The following LRIG1 variants were observed in gnomAD, a reference collection of about 807,000 sequenced individuals.
LRIG1 encodes the protein leucine-rich repeats and immunoglobulin-like domains protein 1.
A neutral mutation model predicts 99.2 loss-of-function variants in LRIG1; 48 were observed. The ratio of observed to expected loss-of-function variants is 0.48; its 90% confidence interval spans 0.38 to 0.62. The LOEUF (loss-of-function observed/expected upper bound fraction) is 0.62. Ranked by LOEUF, LRIG1 falls within the 20% of genes least tolerant of loss-of-function variation. The probability of loss-of-function intolerance (pLI) is 0.00; values close to 1 mark genes in which losing one functional copy is unlikely to be tolerated. For missense variants in LRIG1, 1,646 were observed against 1,434.4 expected (o/e 1.15, Z -2.38); for synonymous variants, 772 against 596.1 (o/e 1.29, Z -4.30).
intron 3 of LRIG1, among the ~76,000 whole-genome samples, chr3:66,431,125 G>C (rs1703158704): frequency 1.3e-5 from 2 of 152,132 alleles, no homozygotes; most frequent in Non-Finnish European, 2.9e-5. Context: ...GTGGATCCCG[G>C]GTACGGCACA....
Position 66,380,511 on chromosome 3 carries a change from G to A in LRIG1, c.3056-22C>T, listed in dbSNP as rs771378183. 6 of 1,613,818 alleles carry A rather than the reference G, an allele frequency of 3.7e-6. No homozygotes were observed. The East Asian group carries it at 1.3e-4, about 36-fold the overall frequency. On this transcript the variant is annotated intron_variant, in intron 18 of 18. Coordinates refer to ENST00000273261, the MANE Select transcript of LRIG1 (RefSeq NM_015541.3). ...TCCCCTACAAGGAAAGAACGAACCT[G>A]TCAGACCCCCACTTGACCGTTTAAG...
chr3:66,408,912 C>CTG (rs1702366632), intron 7 of LRIG1, among the ~76,000 whole-genome samples: 3 of 94,646 alleles, frequency 3.2e-5, no homozygotes, highest in African/African-American at 8.2e-5. Flanking sequence ...AACTCCAAGT[C>CTG]AGTGTGTGTG....
chr3:66,448,030 T>C (rs1431250944), intron 3 of LRIG1, among the ~76,000 whole-genome samples: 1 of 152,258 alleles, frequency 6.6e-6, no homozygotes, highest in Non-Finnish European at 1.5e-5. Flanking sequence ...AGAGCTTTCC[T>C]TGAGTTCTAT....
intron 1 of LRIG1, among the ~76,000 whole-genome samples, chr3:66,494,468 G>A (rs2106933325): frequency 6.6e-6 from 1 of 152,252 alleles, no homozygotes; most frequent in Middle Eastern, 3.4e-3. Flanking sequence ...GGAGACAGCT[G>A]GGTAGCAAAT....
At chr3:66,398,389 G>A (rs1399091492) in intron 10 of LRIG1, among the ~76,000 whole-genome samples, 1 of 152,188 alleles carries the variant, frequency 6.6e-6, no homozygotes, top group South Asian at 2.1e-4. Context: ...CATCAAAGCT[G>A]GGCTGAGGCC....
In LRIG1 at chr3:66,424,564, A is replaced by C. The variant is rs572618125; in HGVS notation, c.366-7298T>G. 3.3e-5 allele frequency among the ~76,000 whole-genome samples: 5 copies of C among 152,344 alleles called. No homozygotes were observed. In the South Asian group the frequency reaches 1.0e-3, roughly 32 times the overall value. On this transcript the variant is annotated intron_variant, in intron 3 of 18. Transcript: ENST00000273261. ...ACTCCTTTAACATAACTAACTGCAC[A>C]GTTCCCAAGAAGATCCATACCTCTT...
intron 9 of LRIG1, among the ~76,000 whole-genome samples, chr3:66,402,780 A>G (rs1702109881): frequency 6.6e-6 from 1 of 152,108 alleles, no homozygotes; most frequent in Non-Finnish European, 1.5e-5. Context: ...AGTGGATCCT[A>G]ACAGGCCGGC....
chr3:66,472,303 CAAAAAAAAAAA>C (rs71105995), intron 1 of LRIG1, among the ~76,000 whole-genome samples: 12 of 63,866 alleles, frequency 1.9e-4, no homozygotes, highest in African/African-American at 6.9e-4. Flanking sequence ...GACTCTGTCT[CAAAAAAAAAAA>C]AAAAAAAAAA....
intron 2 of LRIG1, among the ~76,000 whole-genome samples, chr3:66,453,466 T>G (rs1242368366): frequency 6.6e-6 from 1 of 152,208 alleles, no homozygotes; most frequent in Non-Finnish European, 1.5e-5. Flanking sequence ...AGCAATAAGT[T>G]GCAGTGGCCC....
chr3:66,398,013 T>G lies in LRIG1; in HGVS notation c.1304+99A>C. ...CCCACAAAATCCAAAATATGTACCA[T>G]GTGAACTTTTAACAAGTGAGCATAA... On this transcript the variant is annotated intron_variant, in intron 11 of 18. Coordinates refer to ENST00000273261, the MANE Select transcript of LRIG1 (RefSeq NM_015541.3). 6 of 961,366 alleles carry G rather than the reference T, an allele frequency of 6.2e-6. No homozygotes were observed. In the South Asian group the frequency reaches 8.8e-5, roughly 14 times the overall value. 59.6% of individuals were successfully genotyped at this position (961,366 alleles called of 1,614,324 possible).
chr3:66,417,583 C>T (rs997819610), intron 3 of LRIG1: 1 of 331,342 alleles, frequency 3.0e-6, no homozygotes. Flanking sequence ...ATGCACTCAC[C>T]ATAAAGGATG....
rs1245350735 is a variant in LRIG1 at position 66,382,161 on chromosome 3, A to G, written c.2617+112T>C. 5.6e-6 allele frequency: 7 copies of G among 1,254,208 alleles called. No homozygotes were observed. In the African/African-American group the frequency reaches 6.0e-5, roughly 11 times the overall value. 77.7% of individuals were successfully genotyped at this position (1,254,208 alleles called of 1,614,324 possible). ...AGTCATACCGCCTTCTACTTCACCA[A>G]GTTTGCCCCATCTAATGCCAGGTAC... On this transcript the variant is annotated intron_variant, in intron 16 of 18. Coordinates refer to ENST00000273261, the MANE Select transcript of LRIG1 (RefSeq NM_015541.3).
intron 12 of LRIG1, among the ~76,000 whole-genome samples, chr3:66,393,830 A>C (rs187087630): frequency 6.6e-6 from 1 of 152,324 alleles, no homozygotes; most frequent in East Asian, 1.9e-4. Flanking sequence ...CTTCTGATTA[A>C]ATGCATGTCC....
At chr3:66,482,898 T>C (rs1700882768) in intron 1 of LRIG1, among the ~76,000 whole-genome samples, 1 of 152,232 alleles carries the variant, frequency 6.6e-6, no homozygotes, top group Non-Finnish European at 1.5e-5. Flanking sequence ...ACTGGAAATT[T>C]ATACACTATC....
chr3:66,455,133 C>T (rs937308625), intron 2 of LRIG1, among the ~76,000 whole-genome samples: 1 of 152,078 alleles, frequency 6.6e-6, no homozygotes, highest in East Asian at 1.9e-4. Context: ...TTAGTAGACA[C>T]GGGGTTTCGT....
intron 1 of LRIG1, among the ~76,000 whole-genome samples, chr3:66,482,128 C>A (rs1243216032): frequency 6.6e-6 from 1 of 152,256 alleles, no homozygotes; most frequent in Non-Finnish European, 1.5e-5. Context: ...CAGAAGGCTG[C>A]AGCAGTACAG....
At chr3:66,426,263 T>TA (rs1383141146) in intron 3 of LRIG1, among the ~76,000 whole-genome samples, 1 of 152,212 alleles carries the variant, frequency 6.6e-6, no homozygotes, top group Non-Finnish European at 1.5e-5. Flanking sequence ...TCTGCTGTTA[T>TA]AATGTAAAAG....
intron 3 of LRIG1, among the ~76,000 whole-genome samples, chr3:66,441,381 G>C (rs374480576): frequency 6.6e-6 from 1 of 152,200 alleles, no homozygotes; most frequent in East Asian, 1.9e-4. Flanking sequence ...ACACGTTTGG[G>C]CTCTGCCGAG....
Position 66,500,289 on chromosome 3 carries a change from G to A in LRIG1, c.119C>T (p.Pro40Leu), listed in dbSNP as rs1449152767. 4.7e-6 allele frequency: 7 copies of A among 1,473,736 alleles called. No individual in the cohort carries two copies. The highest frequency in any genetic ancestry group is 5.0e-5 in the Admixed American group (2 of 40,272). The allele number at this position is 1,473,736 out of a possible 1,614,324, so 91.3% of individuals were successfully genotyped here. A position where few individuals can be genotyped will look rare whatever the true frequency, so the allele number is the denominator to read the frequency against. ...AGCGCAAGTGCAGGCGGCCGCGCAG[G>A]GCGCCCGCGGGCCGGCCGCGGCGGT... The part of the protein sequence containing the change: ...PVTAAAGPRA[P>L]CAAACTCAGD... Residue 40 changes from proline to leucine, a missense_variant, in exon 1 of 19, where the codon CCC (proline) becomes CTC (leucine). Coordinates refer to ENST00000273261, the MANE Select transcript of LRIG1 (RefSeq NM_015541.3).
Sources: gnomAD v4.1 joint callset for allele counts (sites outside exome capture counted in the v4.1 genomes callset) on GRCh38, gnomAD v4.1.1 for gene constraint, MANE v1.5 for transcripts, NCBI Gene and HGNC (gene_info 2026-07-23, HGNC 2026-07-21) for gene names.